Variants in WDPCP observed in about 807,000 individuals in gnomAD.
WDPCP encodes WD repeat-containing and planar cell polarity effector protein fritz homolog.
WDPCP carries 71 observed loss-of-function variants against 93.1 expected under a neutral mutation model. That is an observed-to-expected ratio of 0.76 (90% confidence interval 0.63 to 0.93). The LOEUF is 0.93. Among genes scored for constraint, WDPCP ranks in the 40% least tolerant of loss-of-function variants. WDPCP has a pLI of 0.00. For missense variants in WDPCP, 844 were observed against 887.4 expected, an observed-to-expected ratio of 0.95 and a Z score of 0.62; for synonymous variants, 315 against 315.0, an observed-to-expected ratio of 1.00 and a Z score of 0.00.
chr2:63,519,125 C>G (rs1378060972), intron 1 of WDPCP: 2 of 151,500 alleles, frequency 1.3e-5, no homozygotes, highest in Non-Finnish European at 2.9e-5. Flanking sequence ...AGCCCCCAAA[C>G]TGCACCATCA....
chr2:63,568,355 C>CA (rs34633887), intron 1 of WDPCP, among the ~76,000 whole-genome samples: 7 of 149,546 alleles, frequency 4.7e-5, no homozygotes, highest in Admixed American at 1.3e-4. Flanking sequence ...AAAAAAAAAA[C>CA]AAAAAAAAAC....
intron 3 of WDPCP, among the ~76,000 whole-genome samples, chr2:63,600,542 C>T (rs1333529354): frequency 2.6e-5 from 4 of 152,138 alleles, no homozygotes; most frequent in Non-Finnish European, 5.9e-5. Flanking sequence ...TCAGAGAGTT[C>T]TTATGAGGAT....
chr2:63,273,869 T>C (rs1165397446), intron 13 of WDPCP, among the ~76,000 whole-genome samples: 1 of 151,402 alleles, frequency 6.6e-6, no homozygotes, highest in Non-Finnish European at 1.5e-5. Flanking sequence ...TTGTTACATA[T>C]AAATGGAGAG....
At chr2:63,735,941 G>A (rs1198863726) in intron 2 of WDPCP, among the ~76,000 whole-genome samples, 1 of 152,166 alleles carries the variant, frequency 6.6e-6, no homozygotes, top group East Asian at 1.9e-4. Context: ...GTTTTCGAGA[G>A]TCCTTTCCAG....
chr2:63,318,999 T>C (rs1441704656), intron 12 of WDPCP, among the ~76,000 whole-genome samples: 1 of 152,068 alleles, frequency 6.6e-6, no homozygotes, highest in Non-Finnish European at 1.5e-5. Context: ...AGACATATCA[T>C]CTAAAAAGGA....
At chr2:63,285,545 A>T (rs1472187158) in intron 13 of WDPCP, among the ~76,000 whole-genome samples, 4 of 152,042 alleles carry the variant, frequency 2.6e-5, no homozygotes, top group Non-Finnish European at 4.4e-5. Context: ...AAAGACAAAG[A>T]TAGGTAGAAA....
intron 2 of WDPCP, among the ~76,000 whole-genome samples, chr2:63,716,940 G>A (rs1669347802): frequency 6.6e-6 from 1 of 152,220 alleles, no homozygotes; most frequent in Non-Finnish European, 1.5e-5. Context: ...AGTGCTACAT[G>A]TACTGAACTA....
At chr2:63,249,837 C>A (rs1680576965) in intron 14 of WDPCP, among the ~76,000 whole-genome samples, 1 of 152,270 alleles carries the variant, frequency 6.6e-6, no homozygotes, top group Admixed American at 6.5e-5. Flanking sequence ...ATTCGAACAC[C>A]TTTCTGTTTG....
intron 12 of WDPCP, chr2:63,359,661 A>G (rs1366114797): frequency 6.6e-6 from 1 of 152,220 alleles, no homozygotes; most frequent in East Asian, 1.9e-4. Flanking sequence ...CATTTATTCC[A>G]GAGAAATGAA....
chr2:63,408,211 G>T (rs1558590263), intron 9 of WDPCP, among the ~76,000 whole-genome samples: 1 of 152,130 alleles, frequency 6.6e-6, no homozygotes, highest in Admixed American at 6.5e-5. Context: ...CTCTCTGAAG[G>T]AAGCGGACTG....
At chr2:63,502,973 C>T (rs1701649574) in intron 1 of WDPCP, among the ~76,000 whole-genome samples, 3 of 152,092 alleles carry the variant, frequency 2.0e-5, no homozygotes, top group Admixed American at 6.5e-5. Context: ...ATCTGTGCAC[C>T]GTTCTTACTA....
intron 1 of WDPCP, among the ~76,000 whole-genome samples, chr2:63,515,307 G>A (rs994671992): frequency 4.6e-5 from 7 of 152,068 alleles, no homozygotes; most frequent in South Asian, 2.1e-4. Context: ...TTAGACTTAC[G>A]TAAAGTGCCT....
At chr2:63,276,646 G>A (rs1683109664) in intron 13 of WDPCP, among the ~76,000 whole-genome samples, 1 of 152,156 alleles carries the variant, frequency 6.6e-6, no homozygotes, top group African/African-American at 2.4e-5. Context: ...TTGAGGACAA[G>A]GCTTTCAAAT....
At chr2:63,434,534 T>C (rs1022265292) in intron 8 of WDPCP, among the ~76,000 whole-genome samples, 3 of 152,158 alleles carry the variant, frequency 2.0e-5, no homozygotes, top group Non-Finnish European at 4.4e-5. Context: ...AACTATGTTA[T>C]TTTGGAACAT....
chr2:63,818,502 C>T (rs1670971847), intron 1 of WDPCP, among the ~76,000 whole-genome samples: 1 of 152,108 alleles, frequency 6.6e-6, no homozygotes. Flanking sequence ...AATTTAATTA[C>T]TAAGAAAACA....
chr2:63,436,938 C>G (rs1285893671), intron 8 of WDPCP, among the ~76,000 whole-genome samples: 1 of 151,912 alleles, frequency 6.6e-6, no homozygotes, highest in African/African-American at 2.4e-5. Flanking sequence ...TGCATTTTGT[C>G]CAGTTATAGC....
chr2:63,219,708 T>C (rs967587251), intron 14 of WDPCP, among the ~76,000 whole-genome samples: 1 of 152,106 alleles, frequency 6.6e-6, no homozygotes. Flanking sequence ...TATTAAGATA[T>C]AGTAAAAACA....
chr2:63,791,634 G>A (rs1670547677), intron 2 of WDPCP, among the ~76,000 whole-genome samples: 1 of 152,076 alleles, frequency 6.6e-6, no homozygotes, highest in Non-Finnish European at 1.5e-5. Context: ...ACACTGAATG[G>A]AGCTGACTGA....
At chr2:63,221,190 G>A (rs370722418) in intron 14 of WDPCP, among the ~76,000 whole-genome samples, 13 of 152,278 alleles carry the variant, frequency 8.5e-5, no homozygotes, top group African/African-American at 3.1e-4. Flanking sequence ...AACCAGGAGT[G>A]TTGTCTATAT....
Sources: gnomAD v4.1 joint callset for allele counts (sites outside exome capture counted in the v4.1 genomes callset) on GRCh38, gnomAD v4.1.1 for gene constraint, MANE v1.5 for transcripts, NCBI Gene and HGNC (gene_info 2026-07-23, HGNC 2026-07-21) for gene names.